Variants in COL22A1 observed in about 807,000 individuals in gnomAD.
COL22A1 encodes the protein collagen alpha-1(XXII) chain.
A neutral mutation model predicts 248.9 loss-of-function variants in COL22A1; 221 were observed. The observed-to-expected ratio is 0.89, with a 90% CI of 0.80 to 0.99. The LOEUF (loss-of-function observed/expected upper bound fraction) is 0.99, where lower values mean the gene tolerates loss of function less well. COL22A1 is among the 50% of genes least tolerant of loss of function. COL22A1 has a pLI of 0.00. For synonymous variants in COL22A1, 891 were observed against 793.4 expected (o/e 1.12, Z -2.07); for missense variants, 2,240 against 2,179.0 (o/e 1.03, Z -0.56).
chr8:138,749,489 A>T lies in COL22A1; in HGVS notation c.2085+1969T>A, dbSNP rs1379778886. 3.3e-5 allele frequency among the ~76,000 whole-genome samples: 5 copies of T among 152,254 alleles called. No individual in the cohort carries two copies. In the East Asian group the frequency reaches 9.6e-4, roughly 29 times the overall value. On this transcript the variant is annotated intron_variant, in intron 22 of 64. Coordinates refer to ENST00000303045, the MANE Select transcript of COL22A1 (RefSeq NM_152888.3). ...ACGTACACATTAATTACATAAATGT[A>T]CAAAGATTGTTGTTTTCTCTTAAGA...
At position 138,589,322 on chromosome 8, in the gene COL22A1, T is replaced by A; in HGVS notation, c.4812A>T (p.Gln1604His). The part of the protein sequence containing the change: ...GLPGPPGPPG[Q>H]CDPSQCAYFA... The stretch of plus-strand genomic sequence containing the variant: ...AGTAGGCACACTGGGAAGGGTCACA[T>A]TGGCCTGGGGGACCGGGAGGTCCTG... Residue 1604 changes from glutamine (Q) to histidine (H), a missense_variant, in exon 65 of 65, where the codon CAA becomes CAT. Gln to His is a conservative substitution (Grantham distance 24). Coordinates refer to ENST00000303045, the MANE Select transcript of COL22A1 (RefSeq NM_152888.3). The A allele has an allele frequency of 1.2e-6, 2 of 1,613,486 alleles. No individual in the cohort carries two copies. The highest frequency in any genetic ancestry group is 1.1e-5 in the South Asian group (1 of 91,038).
chr8:138,833,077 A>G lies in COL22A1; in HGVS notation c.807T>C (p.Tyr269=), dbSNP rs375291169. ...CCACAGGGAAGGATCCCATCCGTACATAGGAACTCTGAGCTCCATTCTCTC... is the reference window on the plus strand; with the variant it reads ...CCACAGGGAAGGATCCCATCCGTACGTAGGAACTCTGAGCTCCATTCTCTC... ...GKRENGAQSS[Y]VRMGSFPVVQ... is the part of the protein sequence containing the mutation. The change falls in exon 5 of 65, where the codon TAT becomes TAC. Residue 269 remains tyrosine (Y), a synonymous_variant. Transcript: ENST00000303045. 3.1e-6 allele frequency: 5 copies of G among 1,613,820 alleles called. No homozygotes were observed. The highest frequency in any genetic ancestry group is 4.2e-6 in the Non-Finnish European group (5 of 1,179,786).
intron 42 of COL22A1, 138 bp from the exon 43 acceptor site, chr8:138,662,221 G>T: frequency 1.5e-6 from 1 of 675,108 alleles, no homozygotes; most frequent in Admixed American, 2.5e-5. Flanking sequence ...GTGTGCCAAA[G>T]CACCCTGCTC....
At chr8:138,700,034 C>A in intron 32 of COL22A1, 78 bp downstream of exon 32, 9 of 1,400,018 alleles carry the variant, frequency 6.4e-6, no homozygotes, top group Non-Finnish European at 9.1e-6. Context: ...CCCACCCAGT[C>A]CAGGCTCCCA....
Position 138,751,563 on chromosome 8 carries a change from G to C in COL22A1, c.2032-52C>G, listed in dbSNP as rs369772811. On this transcript the variant is annotated intron_variant, in intron 21 of 64. Transcript: ENST00000303045. ...AGAGAGAAACATAATGGTAAATGCA[G>C]GGCTCAATGGCATAGCTTAGGCTTT... The C allele has an allele frequency of 6.8e-5, 88 of 1,286,378 alleles. No individual in the cohort carries two copies. In the Middle Eastern group the frequency reaches 4.1e-3, roughly 60 times the overall value. 79.7% of individuals were successfully genotyped at this position (1,286,378 alleles called of 1,614,324 possible). A position where few individuals can be genotyped will look rare whatever the true frequency, so the allele number is the denominator to read the frequency against.
chr8:138,674,411 C>A (rs559679829), intron 41 of COL22A1, among the ~76,000 whole-genome samples: 1 of 152,190 alleles, frequency 6.6e-6, no homozygotes, highest in Admixed American at 6.5e-5. Flanking sequence ...TACAGATTCC[C>A]AGGCCATTAC....
At chr8:138,687,755 G>A (rs776227396) in intron 37 of COL22A1, among the ~76,000 whole-genome samples, 1 of 152,222 alleles carries the variant, frequency 6.6e-6, no homozygotes, top group Non-Finnish European at 1.5e-5. Flanking sequence ...CAGGTTCAAA[G>A]AGAGTGTGCT....
rs7011252 is a variant in COL22A1 at position 138,911,718 on chromosome 8, G to A, written c.-73+1901C>T. On this transcript the variant is annotated intron_variant, in intron 1 of 64. Transcript: ENST00000303045. Reference sequence around the variant, plus strand: ...AAAGCCTTAAAACTGTCTGTGGACTGCATCCGTTTAGGGGCCATTTACTTA... The same window carrying A: ...AAAGCCTTAAAACTGTCTGTGGACTACATCCGTTTAGGGGCCATTTACTTA... Among the ~76,000 whole-genome samples, 1,493 of 152,302 alleles carry A rather than the reference G, an allele frequency of 9.8e-3. 34 individuals are homozygous for A. The highest frequency in any genetic ancestry group is 0.035 in the African/African-American group (1,437 of 41,554).
intron 1 of COL22A1, among the ~76,000 whole-genome samples, chr8:138,905,831 C>A (rs2132182366): frequency 6.6e-6 from 1 of 152,322 alleles, no homozygotes; most frequent in South Asian, 2.1e-4. Flanking sequence ...ATTCTTCAAC[C>A]TCAAAGACTC....
chr8:138,882,527 T>C (rs1357965508), intron 2 of COL22A1, among the ~76,000 whole-genome samples: 3 of 119,552 alleles, frequency 2.5e-5, no homozygotes, highest in Non-Finnish European at 3.5e-5. Flanking sequence ...CTCCTACACT[T>C]CCTCACACTC....
chr8:138,853,825 A>C lies in COL22A1; in HGVS notation c.659-9667T>G, dbSNP rs1369158313. Among the ~76,000 whole-genome samples the C allele has an allele frequency of 2.0e-5, 3 of 152,330 alleles. No homozygotes were observed. The South Asian group carries it at 6.2e-4, about 32-fold the overall frequency. ...AGAAGGGAAGACGAACACTTACAAGAGTAAGAGACTGCTCCAAAGTAACAG... is the reference window on the plus strand; with the variant it reads ...AGAAGGGAAGACGAACACTTACAAGCGTAAGAGACTGCTCCAAAGTAACAG... On this transcript the variant is annotated intron_variant, in intron 3 of 64. Coordinates refer to ENST00000303045, the MANE Select transcript of COL22A1 (RefSeq NM_152888.3).
intron 21 of COL22A1, among the ~76,000 whole-genome samples, chr8:138,752,565 T>G (rs78026388): frequency 0.011 from 1,720 of 152,222 alleles, 15 homozygotes; most frequent in Non-Finnish European, 0.019. Flanking sequence ...CCTAAAGGCA[T>G]GAGATTTTTA....
At position 138,589,279 on chromosome 8, in the gene COL22A1, G is replaced by A. The variant is rs755307992; in HGVS notation, c.4855C>T (p.Arg1619Trp). The A allele has an allele frequency of 9.9e-6, 16 of 1,613,584 alleles. No individual in the cohort carries two copies. Among genetic ancestry groups the A allele is most frequent in the South Asian group, 2.2e-5 (2 of 91,042 alleles). ...QCAYFASLAA[R>W]PGNVKGP is the part of the protein sequence containing the mutation. The stretch of plus-strand genomic sequence containing the variant: ...TAGGGACCCTTCACATTACCCGGCC[G>A]GGCAGCAAGGCTGGCGAAGTAGGCA... The change falls in exon 65 of 65, where the codon CGG (arginine) becomes TGG (tryptophan). Residue 1619 changes from arginine to tryptophan, a missense_variant. Transcript: ENST00000303045.
chr8:138,912,350 GC>G (rs1563917198), intron 1 of COL22A1, among the ~76,000 whole-genome samples: 1 of 152,176 alleles, frequency 6.6e-6, no homozygotes, highest in Non-Finnish European at 1.5e-5. Context: ...TTAACCAGGA[GC>G]CTGAAGATGT....
intron 7 of COL22A1, among the ~76,000 whole-genome samples, chr8:138,813,547 G>T (rs6995061): frequency 0.75 from 113,276 of 151,676 alleles, 42,480 homozygotes; most frequent in Middle Eastern, 0.8. Context: ...TGAGTATGTC[G>T]TTATTAGCAG....
intron 16 of COL22A1, among the ~76,000 whole-genome samples, chr8:138,775,331 G>C (rs930923764): frequency 7.2e-5 from 11 of 152,200 alleles, no homozygotes; most frequent in Admixed American, 7.2e-4. Flanking sequence ...GGGGAACCAT[G>C]AACCGGCAAC....
intron 1 of COL22A1, among the ~76,000 whole-genome samples, chr8:138,901,369 G>GTTTTTTTTTTTT (rs1396582556): frequency 8.4e-6 from 1 of 118,772 alleles, no homozygotes; most frequent in Non-Finnish European, 1.7e-5. Context: ...TTTTTTTTTT[G>GTTTTTTTTTTTT]TTTTTTTTTT....
At chr8:138,813,066 A>G in intron 7 of COL22A1, 47 bp from the exon 8 acceptor site, 1 of 1,458,696 alleles carries the variant, frequency 6.9e-7, no homozygotes, top group Non-Finnish European at 9.6e-7. Context: ...GGACTTTGGA[A>G]CCCAGAAACC....
intron 37 of COL22A1, among the ~76,000 whole-genome samples, chr8:138,685,742 C>T (rs1054691772): frequency 6.6e-6 from 1 of 152,164 alleles, no homozygotes; most frequent in African/African-American, 2.4e-5. Flanking sequence ...CTTCACAGCC[C>T]TGAGAAGGAG....
Sources: allele counts gnomAD v4.1 joint callset (sites outside exome capture counted in the v4.1 genomes callset), GRCh38; gene constraint gnomAD v4.1.1; transcripts MANE v1.5; gene names NCBI Gene and HGNC (gene_info 2026-07-23, HGNC 2026-07-21).